The following PRKG1 variants were observed in gnomAD, a reference collection of about 807,000 sequenced individuals.
PRKG1 encodes the protein cGMP-dependent protein kinase 1.
Under a neutral mutation model 88.1 loss-of-function variants are expected in PRKG1, and 35 were observed. The ratio of observed to expected loss-of-function variants is 0.40; its 90% CI spans 0.30 to 0.53. The LOEUF (loss-of-function observed/expected upper bound fraction) is 0.53, where lower values mean the gene tolerates loss of function less well. PRKG1 is among the 20% of genes least tolerant of loss of function. PRKG1 has a pLI of 0.59. For missense variants in PRKG1, 540 were observed against 839.8 expected, an observed-to-expected ratio of 0.64 and a Z score of 4.41; for synonymous variants, 303 against 292.5, an observed-to-expected ratio of 1.04 and a Z score of -0.37.
rs1841010087 is a variant in PRKG1, at chr10:51,501,020, A to C, written c.592+33184A>C. On this transcript the variant is annotated intron_variant, in intron 3 of 17. Transcript: ENST00000373980. Reference sequence around the variant, plus strand: ...TACGTTTCACATTATTTTGGTTCAAAAGTAATTGCACCAACCTAATAAAAT... The same window carrying C: ...TACGTTTCACATTATTTTGGTTCAACAGTAATTGCACCAACCTAATAAAAT... Among the ~76,000 whole-genome samples, 3 of 152,176 alleles carry C rather than the reference A, an allele frequency of 2.0e-5. No individual in the cohort carries two copies. The East Asian group carries it at 5.8e-4, about 29-fold the overall frequency.
At chr10:52,014,874 T>C (rs1489706173) in intron 5 of PRKG1, among the ~76,000 whole-genome samples, 1 of 152,238 alleles carries the variant, frequency 6.6e-6, no homozygotes, top group Admixed American at 6.5e-5. Context: ...TTTGACTCCA[T>C]GTCTCACATT....
Position 51,374,093 on chromosome 10 carries a change from A to ATATATATATAT in PRKG1, c.479-93630_479-93629insTATATATATAT, listed in dbSNP as rs1554801054. 5.3e-4 allele frequency among the ~76,000 whole-genome samples: 53 copies of ATATATATATAT among 100,188 alleles called. 1 individual carries two copies. The highest frequency in any genetic ancestry group is 1.1e-3 in the Non-Finnish European group (48 of 45,378). 65.7% of individuals were successfully genotyped at this position (100,188 alleles called of 152,430 possible). A position where few individuals can be genotyped will look rare whatever the true frequency, so the allele number is the denominator to read the frequency against. ...GCTGGCAGAGGTTGCAAAAAAAAAA[A>ATATATATATAT]ATATATATATATATATATATGTACT... On this transcript the variant is annotated intron_variant, in intron 2 of 17. Coordinates refer to ENST00000373980, the MANE Select transcript of PRKG1 (RefSeq NM_006258.4).
At chr10:51,030,854 A>AC (rs1387849621) in intron 1 of PRKG1, among the ~76,000 whole-genome samples, 7 of 152,184 alleles carry the variant, frequency 4.6e-5, no homozygotes, top group African/African-American at 1.4e-4. Flanking sequence ...TGCTTCTTGT[A>AC]CAGCCTGCAG....
chr10:51,070,466 A>G (rs1439380594), upstream of PRKG1, among the ~76,000 whole-genome samples: 1 of 152,106 alleles, frequency 6.6e-6, no homozygotes, highest in Non-Finnish European at 1.5e-5. Context: ...GCTCAGCTAT[A>G]TATTTGTTTG....
intron 1 of PRKG1, among the ~76,000 whole-genome samples, chr10:50,997,074 T>G (rs1842843674): frequency 6.6e-6 from 1 of 152,180 alleles, no homozygotes. Flanking sequence ...CAGGAGGTGG[T>G]AGTGTCTTGA....
intron 4 of PRKG1, among the ~76,000 whole-genome samples, chr10:51,853,217 T>A (rs1840601215): frequency 2.0e-5 from 3 of 152,160 alleles, no homozygotes; most frequent in Non-Finnish European, 4.4e-5. Flanking sequence ...GTTTTAGTAT[T>A]TATTTAGTAT....
At chr10:52,288,704 G>A in intron 14 of PRKG1, 22 bp from the exon 15 acceptor site, 1 of 1,564,214 alleles carries the variant, frequency 6.4e-7, no homozygotes, top group Non-Finnish European at 8.6e-7. Context: ...AATATCTCTT[G>A]TCGTGTCTCT....
chr10:51,101,262 C>T (rs1408769127), intron 1 of PRKG1, among the ~76,000 whole-genome samples: 2 of 152,132 alleles, frequency 1.3e-5, no homozygotes, highest in African/African-American at 2.4e-5. Context: ...CCAGAGAGGT[C>T]TCTTGCTCTT....
chr10:51,272,618 A>G (rs1288261047), intron 2 of PRKG1, among the ~76,000 whole-genome samples: 4 of 152,172 alleles, frequency 2.6e-5, no homozygotes, highest in African/African-American at 4.8e-5. Flanking sequence ...AGTGAACAGG[A>G]CAAATGGTTG....
chr10:52,216,029 C>A (rs1840102794), intron 9 of PRKG1, among the ~76,000 whole-genome samples: 2 of 152,116 alleles, frequency 1.3e-5, no homozygotes, highest in African/African-American at 4.8e-5. Flanking sequence ...AGGAAACAAG[C>A]AAACTGTACA....
intron 4 of PRKG1, among the ~76,000 whole-genome samples, chr10:51,898,073 A>G (rs1408130575): frequency 6.6e-6 from 1 of 151,564 alleles, no homozygotes; most frequent in Non-Finnish European, 1.5e-5. Context: ...CCTCTTTGCT[A>G]CTCCTGGAAT....
intron 9 of PRKG1, among the ~76,000 whole-genome samples, chr10:52,220,076 G>A (rs185896374): frequency 1.5e-4 from 23 of 152,196 alleles, no homozygotes; most frequent in African/African-American, 5.3e-4. Context: ...CTTAACTGTA[G>A]AACAAAGTCA....
At chr10:51,903,008 TA>T (rs781074479) in intron 4 of PRKG1, among the ~76,000 whole-genome samples, 2 of 152,222 alleles carry the variant, frequency 1.3e-5, no homozygotes, top group Non-Finnish European at 2.9e-5. Flanking sequence ...TTTTTGTTTT[TA>T]TTGACACATG....
intron 2 of PRKG1, among the ~76,000 whole-genome samples, chr10:51,188,167 A>G (rs1292570979): frequency 6.6e-6 from 1 of 152,062 alleles, no homozygotes; most frequent in African/African-American, 2.4e-5. Flanking sequence ...TGACTGAGAC[A>G]GCTGTGTTTA....
At chr10:51,545,986 G>T (rs766355271) in intron 3 of PRKG1, among the ~76,000 whole-genome samples, 4 of 150,028 alleles carry the variant, frequency 2.7e-5, no homozygotes, top group Non-Finnish European at 5.9e-5. Context: ...GTTACTTAAT[G>T]AAGGTTATGC....
intron 4 of PRKG1, among the ~76,000 whole-genome samples, chr10:51,841,706 A>C (rs954109697): frequency 7.2e-5 from 11 of 151,870 alleles, no homozygotes; most frequent in Non-Finnish European, 1.5e-4. Context: ...TTTTTGATAC[A>C]GAGTCTCGCT....
chr10:51,000,115 C>T (rs890325733), intron 1 of PRKG1, among the ~76,000 whole-genome samples: 1 of 152,200 alleles, frequency 6.6e-6, no homozygotes, highest in African/African-American at 2.4e-5. Context: ...TTTACTCTGG[C>T]AGGTTTAACT....
At chr10:51,868,580 T>A (rs554847380) in intron 4 of PRKG1, among the ~76,000 whole-genome samples, 81 of 152,224 alleles carry the variant, frequency 5.3e-4, no homozygotes, top group African/African-American at 1.9e-3. Context: ...CTGTCTATCA[T>A]TACCTCTCTA....
rs543759027 is a variant in PRKG1, at chr10:52,090,618, T to C, written c.935+27987T>C. On this transcript the variant is annotated intron_variant, in intron 7 of 17. Coordinates refer to ENST00000373980, the MANE Select transcript of PRKG1 (RefSeq NM_006258.4). ...CAAACTTTAAGGTGAAAGGGGATAT[T>C]TGCATAGCCTTAAACTATCTCCCTC... 2.6e-5 allele frequency among the ~76,000 whole-genome samples: 4 copies of C among 152,330 alleles called. No individual in the cohort carries two copies. In the East Asian group the frequency reaches 7.7e-4, roughly 29 times the overall value.
Sources: allele counts gnomAD v4.1 joint callset (sites outside exome capture counted in the v4.1 genomes callset), GRCh38; gene constraint gnomAD v4.1.1; transcripts MANE v1.5; gene names NCBI Gene and HGNC (gene_info 2026-07-23, HGNC 2026-07-21).